The following SLC35F4 variants were observed in gnomAD, a reference collection of about 807,000 sequenced individuals.
SLC35F4 encodes the protein solute carrier family 35 member F4.
Under a neutral mutation model 44.2 loss-of-function variants are expected in SLC35F4, and 24 were observed. That is an observed-to-expected ratio of 0.54 (90% CI 0.39 to 0.76). The LOEUF (loss-of-function observed/expected upper bound fraction) is 0.76, where lower values mean the gene tolerates loss of function less well. Among genes scored for constraint, SLC35F4 ranks in the 30% least tolerant of loss-of-function variants. SLC35F4 has a pLI of 0.00. For synonymous variants in SLC35F4, 238 were observed against 223.6 expected, an observed-to-expected ratio of 1.06 and a Z score of -0.57; for missense variants, 562 against 586.1, an observed-to-expected ratio of 0.96 and a Z score of 0.42.
At chr14:57,800,088 C>T (rs1196629094) in intron 1 of SLC35F4, among the ~76,000 whole-genome samples, 3 of 152,202 alleles carry the variant, frequency 2.0e-5, no homozygotes, top group African/African-American at 7.2e-5. Context: ...TCTCTAGCCA[C>T]CTCCTACAGG....
chr14:57,940,277 T>C (rs771400465), intron 1 of SLC35F4, among the ~76,000 whole-genome samples: 3 of 152,208 alleles, frequency 2.0e-5, no homozygotes, highest in Non-Finnish European at 4.4e-5. Context: ...TTGATGAGAA[T>C]GGGTTTTTTG....
At chr14:57,944,690 G>GAAA (rs1316412484) in intron 1 of SLC35F4, among the ~76,000 whole-genome samples, 5 of 88,768 alleles carry the variant, frequency 5.6e-5, no homozygotes, top group Non-Finnish European at 1.2e-4. Flanking sequence ...AGAAAAGAAA[G>GAAA]AAAGAAAAGA....
At chr14:57,872,488 A>G (rs1489612080) in intron 1 of SLC35F4, among the ~76,000 whole-genome samples, 11 of 152,156 alleles carry the variant, frequency 7.2e-5, no homozygotes, top group African/African-American at 9.7e-5. Context: ...ACCACCCTGT[A>G]TGGATTGTCA....
intron 1 of SLC35F4, among the ~76,000 whole-genome samples, chr14:57,740,451 A>G (rs1452425369): frequency 2.0e-5 from 3 of 152,234 alleles, no homozygotes; most frequent in Non-Finnish European, 4.4e-5. Context: ...AAAATTCTCA[A>G]TGAATTCTTG....
intron 1 of SLC35F4, among the ~76,000 whole-genome samples, chr14:57,743,630 G>A (rs993994535): frequency 3.3e-5 from 5 of 152,230 alleles, no homozygotes; most frequent in Non-Finnish European, 5.9e-5. Flanking sequence ...ATTCACAGCC[G>A]AATTCTACCA....
chr14:57,644,804 G>A (rs144383573), intron 1 of SLC35F4, among the ~76,000 whole-genome samples: 3,325 of 152,276 alleles, frequency 0.022, 63 homozygotes, highest in South Asian at 0.075. Flanking sequence ...TGTATAAGGT[G>A]TAAGGAAGGG....
At chr14:57,767,915 A>T (rs1595004894) in intron 1 of SLC35F4, among the ~76,000 whole-genome samples, 1 of 152,292 alleles carries the variant, frequency 6.6e-6, no homozygotes, top group East Asian at 1.9e-4. Flanking sequence ...ACTTAGAAGA[A>T]ATGGACCAGT....
intron 1 of SLC35F4, among the ~76,000 whole-genome samples, chr14:57,858,413 A>T (rs1247436267): frequency 2.0e-5 from 3 of 151,984 alleles, no homozygotes; most frequent in Non-Finnish European, 4.4e-5. Context: ...CATCATTCTC[A>T]GCAAACTATC....
At chr14:57,772,620 T>C (rs1223681067) in intron 1 of SLC35F4, among the ~76,000 whole-genome samples, 2 of 152,212 alleles carry the variant, frequency 1.3e-5, no homozygotes, top group Admixed American at 6.5e-5. Flanking sequence ...ACATGTAGTA[T>C]TTGATTTCGG....
intron 1 of SLC35F4, among the ~76,000 whole-genome samples, chr14:57,620,829 G>C (rs1403235729): frequency 1.3e-5 from 2 of 152,182 alleles, no homozygotes; most frequent in Non-Finnish European, 2.9e-5. Flanking sequence ...AATTAGGCAG[G>C]AGAAGGAAAT....
chr14:57,601,614 A>G (rs2070829865), intron 1 of SLC35F4, among the ~76,000 whole-genome samples: 2 of 152,234 alleles, frequency 1.3e-5, no homozygotes, highest in South Asian at 4.1e-4. Context: ...TAAAATCTAT[A>G]TCTGAAAGAA....
chr14:57,781,134 T>A (rs1595046054), intron 1 of SLC35F4, among the ~76,000 whole-genome samples: 1 of 152,034 alleles, frequency 6.6e-6, no homozygotes, highest in Admixed American at 6.6e-5. Flanking sequence ...ACAGACAACC[T>A]ACAGAATGGG....
intron 1 of SLC35F4, among the ~76,000 whole-genome samples, chr14:57,851,731 T>C (rs1162244510): frequency 6.6e-6 from 1 of 152,134 alleles, no homozygotes; most frequent in Non-Finnish European, 1.5e-5. Flanking sequence ...AATGAGAACC[T>C]TAATTGAAAA....
chr14:57,755,242 C>T (rs1444429744), intron 1 of SLC35F4, among the ~76,000 whole-genome samples: 1 of 152,148 alleles, frequency 6.6e-6, no homozygotes, highest in Non-Finnish European at 1.5e-5. Context: ...GGAGGCTTTC[C>T]AGTGGGGGGC....
Position 57,569,798 on chromosome 14 carries a change from C to T in SLC35F4, c.1116G>A (p.Gly372=). 6.3e-7 allele frequency: 1 copy of T among 1,598,848 alleles called. No individual in the cohort carries two copies. The highest frequency in any genetic ancestry group is 8.5e-7 in the Non-Finnish European group (1 of 1,174,486). The part of the protein sequence containing the change: ...LPWGCLCGMA[G]LWLAFNILVN... ...CCCGAGGCCACTTACCCAGCCACAG[C>T]CCTGCCATCCCACAGAGACAGCCCC... is the stretch of plus-strand genomic sequence containing the variant. The change falls in exon 6 of 8, where the codon GGG becomes GGA. Residue 372 remains glycine (G), a synonymous_variant. Transcript: ENST00000556826.
At chr14:57,625,711 T>TA (rs1242164967) in intron 1 of SLC35F4, among the ~76,000 whole-genome samples, 1 of 152,234 alleles carries the variant, frequency 6.6e-6, no homozygotes, top group Non-Finnish European at 1.5e-5. Context: ...AAGGATTCCC[T>TA]ATTTAATAAA....
At chr14:57,798,982 T>A (rs1415776902) in intron 1 of SLC35F4, among the ~76,000 whole-genome samples, 1 of 152,186 alleles carries the variant, frequency 6.6e-6, no homozygotes, top group East Asian at 1.9e-4. Context: ...GATAATAGAA[T>A]TATGTAGCCA....
At chr14:57,763,764 G>A (rs1566832357) in intron 1 of SLC35F4, among the ~76,000 whole-genome samples, 1 of 152,110 alleles carries the variant, frequency 6.6e-6, no homozygotes, top group Non-Finnish European at 1.5e-5. Context: ...ATGGTAGCTT[G>A]TATTTTCCAA....
intron 5 of SLC35F4, 123 bp downstream of exon 5, chr14:57,571,767 TTTAC>T (rs1276106459): frequency 6.1e-6 from 8 of 1,315,162 alleles, no homozygotes; most frequent in African/African-American, 1.5e-5. Flanking sequence ...AAGTAGTTAA[TTTAC>T]TTACTATTAT....
Sources: allele counts gnomAD v4.1 joint callset (sites outside exome capture counted in the v4.1 genomes callset), GRCh38; gene constraint gnomAD v4.1.1; transcripts MANE v1.5; gene names NCBI Gene and HGNC (gene_info 2026-07-23, HGNC 2026-07-21).